The following FMN1 variants were observed in gnomAD, a reference collection of about 807,000 sequenced individuals.
FMN1 encodes formin 1.
A neutral mutation model predicts 132.4 loss-of-function variants in FMN1; 110 were observed. The observed-to-expected ratio is 0.83, with a 90% confidence interval of 0.71 to 0.97. The LOEUF (loss-of-function observed/expected upper bound fraction) is 0.97, where lower values mean the gene tolerates loss of function less well. Ranked by LOEUF, FMN1 falls within the 50% of genes least tolerant of loss-of-function variation. The pLI is 0.00. For synonymous variants in FMN1, 722 were observed against 651.7 expected, an observed-to-expected ratio of 1.11 and a Z score of -1.64; for missense variants, 1,792 against 1,705.3, an observed-to-expected ratio of 1.05 and a Z score of -0.90.
intron 4 of FMN1, among the ~76,000 whole-genome samples, chr15:33,112,420 C>T (rs999437242): frequency 6.6e-6 from 1 of 152,048 alleles, no homozygotes; most frequent in Non-Finnish European, 1.5e-5. Context: ...TTACATAATT[C>T]TTTTAATTAA....
intron 4 of FMN1, among the ~76,000 whole-genome samples, chr15:33,144,781 A>G (rs906226985): frequency 1.3e-5 from 2 of 152,188 alleles, no homozygotes; most frequent in African/African-American, 2.4e-5. Flanking sequence ...GCAAATCCAC[A>G]TCGAATAAAC....
intron 7 of FMN1, among the ~76,000 whole-genome samples, chr15:32,983,174 A>T (rs2032816225): frequency 6.6e-6 from 1 of 152,206 alleles, no homozygotes; most frequent in Non-Finnish European, 1.5e-5. Context: ...AATCCTACTC[A>T]GAAGTAAAAA....
chr15:32,849,234 G>A (rs2058944068), intron 17 of FMN1, among the ~76,000 whole-genome samples: 1 of 150,304 alleles, frequency 6.7e-6, no homozygotes, highest in South Asian at 2.1e-4. Flanking sequence ...CTCGTGATCT[G>A]CCCGCCTCGG....
chr15:32,837,643 G>T (rs2058658122), intron 17 of FMN1, among the ~76,000 whole-genome samples: 1 of 152,164 alleles, frequency 6.6e-6, no homozygotes, highest in Admixed American at 6.5e-5. Context: ...AAAGCAAGAA[G>T]GAGTTTTCAA....
At chr15:32,962,693 G>C (rs2030715888) in intron 9 of FMN1, among the ~76,000 whole-genome samples, 1 of 148,566 alleles carries the variant, frequency 6.7e-6, no homozygotes, top group Non-Finnish European at 1.5e-5. Context: ...GACATGAACA[G>C]ACACTTCTCA....
chr15:33,014,174 G>A (rs1209775584), intron 6 of FMN1, among the ~76,000 whole-genome samples: 1 of 152,226 alleles, frequency 6.6e-6, no homozygotes, highest in Non-Finnish European at 1.5e-5. Context: ...CACTTTGAGA[G>A]TTCACAAGAG....
chr15:32,981,004 A>G (rs2032609751), intron 7 of FMN1, among the ~76,000 whole-genome samples: 1 of 152,102 alleles, frequency 6.6e-6, no homozygotes, highest in African/African-American at 2.4e-5. Flanking sequence ...GCAGAGTGAA[A>G]CTGTGTCTCA....
At chr15:32,988,173 C>T (rs1452890236) in intron 7 of FMN1, among the ~76,000 whole-genome samples, 1 of 150,764 alleles carries the variant, frequency 6.6e-6, no homozygotes, top group Non-Finnish European at 1.5e-5. Context: ...AATCTGGACA[C>T]TGACCCATAG....
chr15:33,066,470 A>T (rs780024408), intron 5 of FMN1: 10 of 1,415,714 alleles, frequency 7.1e-6, no homozygotes. Context: ...ATACAGCAGC[A>T]CCATATTTTA....
chr15:33,007,176 T>TA (rs974323402), intron 7 of FMN1, among the ~76,000 whole-genome samples: 2 of 152,166 alleles, frequency 1.3e-5, no homozygotes, highest in African/African-American at 4.8e-5. Flanking sequence ...TCATATACCG[T>TA]ATATATACAA....
At chr15:33,023,424 T>C (rs187342202) in intron 6 of FMN1, among the ~76,000 whole-genome samples, 1 of 152,276 alleles carries the variant, frequency 6.6e-6, no homozygotes, top group East Asian at 1.9e-4. Context: ...TTTAGTAATG[T>C]TTAGAATCCT....
intron 6 of FMN1, among the ~76,000 whole-genome samples, chr15:33,025,107 C>A (rs1441723640): frequency 6.6e-6 from 1 of 152,090 alleles, no homozygotes; most frequent in Non-Finnish European, 1.5e-5. Context: ...TGGGGTAGGG[C>A]ATATAGAAGG....
chr15:33,162,351 G>T (rs952359634), intron 3 of FMN1, among the ~76,000 whole-genome samples: 1 of 151,104 alleles, frequency 6.6e-6, no homozygotes, highest in Non-Finnish European at 1.5e-5. Flanking sequence ...TAAGAACGTA[G>T]GAATAATAAC....
At position 33,054,658 on chromosome 15, in the gene FMN1, AAC is replaced by A. The variant is rs2037135460; in HGVS notation, c.2161+10297_2161+10298del. ...GATTAGGTAGAGAGAAAGAAAACTA[AAC>A]ACTTTGCAAACATCAAAAAGGAGTT... On this transcript the variant is annotated intron_variant, in intron 6 of 20. Coordinates refer to ENST00000616417, the MANE Select transcript of FMN1 (RefSeq NM_001277313.2). Among the ~76,000 whole-genome samples the A allele has an allele frequency of 3.9e-5, 6 of 152,328 alleles. 1 individual carries two copies. The South Asian group carries it at 1.2e-3, about 32-fold the overall frequency.
At chr15:33,150,610 C>T in intron 4 of FMN1, 1 of 985,484 alleles carries the variant, frequency 1.0e-6, no homozygotes, top group South Asian at 4.7e-5. Flanking sequence ...AGTCTTGTAA[C>T]AAGGATAAGC....
In FMN1 at chr15:32,984,978, C is replaced by CAAAAAAAAAA. The variant is rs11330959; in HGVS notation, c.2224-15511_2224-15502dup. On this transcript the variant is annotated intron_variant, in intron 7 of 20. Coordinates refer to ENST00000616417, the MANE Select transcript of FMN1 (RefSeq NM_001277313.2). The stretch of plus-strand genomic sequence containing the variant: ...TTTTCTCTGTTTGTTCATCCATCAC[C>CAAAAAAAAAA]AAAAAAAAAAAAAAAAAAAAAAGAA... Among the ~76,000 whole-genome samples the CAAAAAAAAAA allele has an allele frequency of 2.2e-3, 210 of 97,200 alleles. 2 individuals carry two copies. The highest frequency in any genetic ancestry group is 3.2e-3 in the African/African-American group (86 of 27,082). The allele number at this position is 97,200 out of a possible 152,430, so 63.8% of individuals were successfully genotyped here.
chr15:33,076,331 C>T (rs1395934971), intron 5 of FMN1, among the ~76,000 whole-genome samples: 1 of 152,234 alleles, frequency 6.6e-6, no homozygotes, highest in African/African-American at 2.4e-5. Context: ...CTACTTATGC[C>T]TGTTGCCTAT....
chr15:32,776,989 A>G (rs2056441670), intron 19 of FMN1, 70 bp from the exon 20 acceptor site: 1 of 944,084 alleles, frequency 1.1e-6, no homozygotes, highest in African/African-American at 1.6e-5. Flanking sequence ...GAAAGAAGAA[A>G]AGAGTTAAGG....
rs550255307 is a variant in FMN1, at chr15:33,130,091, C to G, written c.1867+22957G>C. Among the ~76,000 whole-genome samples the G allele has an allele frequency of 9.8e-5, 15 of 152,300 alleles. No individual in the cohort carries two copies. In the East Asian group the frequency reaches 2.7e-3, roughly 27 times the overall value. On this transcript the variant is annotated intron_variant, in intron 4 of 20. Transcript: ENST00000616417. Reference sequence around the variant, plus strand: ...TCGTGATCCACCTGCCTTGGCCTTCCAAAGTACTGGGATTATAGGCATGAG... The same window carrying G: ...TCGTGATCCACCTGCCTTGGCCTTCGAAAGTACTGGGATTATAGGCATGAG...
Sources: allele counts gnomAD v4.1 joint callset (sites outside exome capture counted in the v4.1 genomes callset), GRCh38; gene constraint gnomAD v4.1.1; transcripts MANE v1.5; gene names NCBI Gene and HGNC (gene_info 2026-07-23, HGNC 2026-07-21).